The following NRXN3 variants were observed in gnomAD, a reference collection of about 807,000 sequenced individuals.
NRXN3 encodes neurexin 3.
NRXN3 carries 32 observed loss-of-function variants against 137.6 expected under a neutral mutation model. The ratio of observed to expected loss-of-function variants is 0.23; its 90% confidence interval spans 0.18 to 0.31. The LOEUF (loss-of-function observed/expected upper bound fraction) is 0.31. NRXN3 is among the 10% of genes least tolerant of loss of function. The pLI is 1.00. For missense variants in NRXN3, 1,574 were observed against 2,062.5 expected, an observed-to-expected ratio of 0.76 and a Z score of 4.59; for synonymous variants, 798 against 784.5, an observed-to-expected ratio of 1.02 and a Z score of -0.29.
At chr14:79,127,141 T>A (rs2056653244) in intron 15 of NRXN3, among the ~76,000 whole-genome samples, 1 of 152,088 alleles carries the variant, frequency 6.6e-6, no homozygotes, top group African/African-American at 2.4e-5. Flanking sequence ...TTCACTCTGA[T>A]CGTAGTTTCT....
intron 20 of NRXN3, among the ~76,000 whole-genome samples, chr14:79,825,516 C>T (rs2099294300): frequency 6.6e-6 from 1 of 152,178 alleles, no homozygotes; most frequent in African/African-American, 2.4e-5. Flanking sequence ...CAATGTCTTC[C>T]TCTCCTCAAC....
At chr14:78,892,185 G>T (rs759957360) in intron 10 of NRXN3, among the ~76,000 whole-genome samples, 55 of 151,988 alleles carry the variant, frequency 3.6e-4, no homozygotes, top group Non-Finnish European at 6.8e-4. Context: ...TCTGATGCAC[G>T]TTAAAATTTC....
chr14:78,447,921 A>C (rs1053116435), intron 4 of NRXN3, among the ~76,000 whole-genome samples: 1 of 152,232 alleles, frequency 6.6e-6, no homozygotes, highest in Non-Finnish European at 1.5e-5. Context: ...AAAATGTACC[A>C]GTAGTTGTCA....
At chr14:79,516,605 A>G (rs1330666857) in intron 16 of NRXN3, among the ~76,000 whole-genome samples, 1 of 152,174 alleles carries the variant, frequency 6.6e-6, no homozygotes, top group East Asian at 1.9e-4. Flanking sequence ...TGCAAAAAAA[A>G]TTAATGCTGC....
intron 19 of NRXN3, among the ~76,000 whole-genome samples, chr14:79,801,039 T>C (rs1392047147): frequency 6.6e-6 from 1 of 152,200 alleles, no homozygotes; most frequent in Non-Finnish European, 1.5e-5. Context: ...GTGGCAGGTG[T>C]GGCCAATGTT....
intron 10 of NRXN3, among the ~76,000 whole-genome samples, chr14:78,832,200 CT>C (rs1010192070): frequency 1.1e-4 from 16 of 151,962 alleles, no homozygotes; most frequent in Admixed American, 6.6e-5. Context: ...GTCAAGTTTT[CT>C]GGTTGCATAT....
chr14:78,243,236 G>A lies in NRXN3; in HGVS notation c.143G>A (p.Arg48His), dbSNP rs553666326. 31 of 1,553,152 alleles carry A rather than the reference G, an allele frequency of 2.0e-5. No individual in the cohort carries two copies. The East Asian group carries it at 5.2e-4, about 26-fold the overall frequency. ...ARYLRWDASTRSDLSFQFKTN... is the reference protein window; with the variant it reads ...ARYLRWDASTHSDLSFQFKTN... Reference sequence around the variant, plus strand: ...TACCTCCGCTGGGATGCCAGCACACGCAGTGACCTGAGTTTCCAGTTCAAG... The same window carrying A: ...TACCTCCGCTGGGATGCCAGCACACACAGTGACCTGAGTTTCCAGTTCAAG... Residue 48 changes from arginine to histidine, a missense_variant, in exon 2 of 21, where the codon CGC becomes CAC. Physicochemically the swap from Arg to His is conservative, Grantham distance 29 (BLOSUM62 0). Around this residue, in one of 5 missense-constraint regions of NRXN3, gnomAD observed 400 missense variants for 527.3 expected, o/e 0.76. Coordinates refer to ENST00000335750, the MANE Select transcript of NRXN3 (RefSeq NM_001330195.2). This position sits in a 1 kb window ranked among gnomAD's most constrained non-coding sequence, Gnocchi z 4.2.
chr14:79,673,033 T>A (rs1345347028), intron 17 of NRXN3, among the ~76,000 whole-genome samples: 1 of 152,058 alleles, frequency 6.6e-6, no homozygotes, highest in East Asian at 1.9e-4. Context: ...CTCTATACTG[T>A]AAATCACTCA....
chr14:79,452,595 G>A (rs1447983149), intron 15 of NRXN3, among the ~76,000 whole-genome samples: 1 of 152,104 alleles, frequency 6.6e-6, no homozygotes. Context: ...TCAAATGTAG[G>A]GATTATGCAG....
chr14:79,249,669 C>G (rs1326920000), intron 15 of NRXN3, among the ~76,000 whole-genome samples: 1 of 152,058 alleles, frequency 6.6e-6, no homozygotes, highest in Non-Finnish European at 1.5e-5. Context: ...TGAATAAATG[C>G]CCAATGTTTC....
intron 19 of NRXN3, among the ~76,000 whole-genome samples, chr14:79,787,920 C>G (rs2099134155): frequency 2.0e-5 from 3 of 152,172 alleles, no homozygotes; most frequent in Admixed American, 2.0e-4. Context: ...TACTTCCTCT[C>G]TTCCACCTTT....
Position 78,938,581 on chromosome 14 carries a change from AT to A in NRXN3, c.2276-18652del, listed in dbSNP as rs990210028. Reference sequence around the variant, plus strand: ...CAACCTTTTTTTATTTGACATTAGGATTTTTTTTTCCCTCTAGGTGGTGTTT... The same window carrying A: ...CAACCTTTTTTTATTTGACATTAGGATTTTTTTTCCCTCTAGGTGGTGTTT... On this transcript the variant is annotated intron_variant, in intron 10 of 20. Coordinates refer to ENST00000335750, the MANE Select transcript of NRXN3 (RefSeq NM_001330195.2). 3.1e-3 allele frequency among the ~76,000 whole-genome samples: 467 copies of A among 150,892 alleles called. 4 individuals are homozygous for A. The highest frequency in any genetic ancestry group is 1.0e-2 in the African/African-American group (409 of 41,034).
intron 16 of NRXN3, among the ~76,000 whole-genome samples, chr14:79,538,998 T>C (rs1423997085): frequency 6.6e-6 from 1 of 152,208 alleles, no homozygotes; most frequent in Non-Finnish European, 1.5e-5. Flanking sequence ...TCTGAGACAC[T>C]GAGAGATTAA....
rs765771249 is a variant in NRXN3 at position 79,396,474 on chromosome 14, T to G, written c.3263-70747T>G. On this transcript the variant is annotated intron_variant, in intron 15 of 20. Coordinates refer to ENST00000335750, the MANE Select transcript of NRXN3 (RefSeq NM_001330195.2). ...AACCTGAGTCCCTTTTACCCTTGAT[T>G]CAAATTCAGTACATCCAGAGCGGGT... Among the ~76,000 whole-genome samples the G allele has an allele frequency of 1.2e-3, 179 of 152,264 alleles. 1 individual carries two copies. The highest frequency in any genetic ancestry group is 1.8e-3 in the Non-Finnish European group (123 of 68,024).
At chr14:79,005,846 G>A (rs916904887) in intron 15 of NRXN3, among the ~76,000 whole-genome samples, 3 of 151,306 alleles carry the variant, frequency 2.0e-5, no homozygotes, top group Admixed American at 1.3e-4. Flanking sequence ...GAACAGTGTC[G>A]GTCCTCAAAA....
At chr14:78,225,066 G>C (rs1483031976) in intron 1 of NRXN3, among the ~76,000 whole-genome samples, 1 of 151,904 alleles carries the variant, frequency 6.6e-6, no homozygotes, top group Non-Finnish European at 1.5e-5. Context: ...GCACCCGGCC[G>C]CATGTGTCTT....
intron 19 of NRXN3, among the ~76,000 whole-genome samples, chr14:79,800,297 T>C (rs1235264809): frequency 2.0e-5 from 3 of 152,192 alleles, no homozygotes; most frequent in African/African-American, 4.8e-5. Flanking sequence ...GCGTGGATGG[T>C]GGACAGTTAA....
intron 20 of NRXN3, among the ~76,000 whole-genome samples, chr14:79,852,602 C>T (rs1363680195): frequency 1.3e-5 from 2 of 151,636 alleles, no homozygotes; most frequent in African/African-American, 4.8e-5. Flanking sequence ...TTTTTCAAAG[C>T]AAAGCCAAAA....
chr14:79,225,376 C>A (rs558069772), intron 15 of NRXN3, among the ~76,000 whole-genome samples: 1 of 152,130 alleles, frequency 6.6e-6, no homozygotes, highest in African/African-American at 2.4e-5. Flanking sequence ...CATAGGATAG[C>A]CTCATGTGCA....
Sources: gnomAD v4.1 joint callset for allele counts (sites outside exome capture counted in the v4.1 genomes callset) on GRCh38, gnomAD v4.1.1 for gene constraint, gnomAD v4.1.1 regional missense constraint, Gnocchi (gnomAD v3.1) non-coding constraint, MANE v1.5 for transcripts, NCBI Gene and HGNC (gene_info 2026-07-23, HGNC 2026-07-21) for gene names.